NFASC: variants seen among roughly 807,000 people sequenced by gnomAD.
NFASC encodes the protein neurofascin.
In NFASC, 43 loss-of-function variants were observed where a neutral mutation model predicts 147.5. That is an observed-to-expected ratio of 0.29 (90% confidence interval 0.23 to 0.38). NFASC has a LOEUF of 0.38. NFASC is among the 10% of genes least tolerant of loss of function. The pLI is 1.00. For synonymous variants in NFASC, 622 were observed against 665.5 expected (o/e 0.93, Z 1.01); for missense variants, 1,320 against 1,689.0 (o/e 0.78, Z 3.83).
chr1:204,836,214 G>A (rs1673754206), intron 1 of NFASC, among the ~76,000 whole-genome samples: 1 of 152,058 alleles, frequency 6.6e-6, no homozygotes, highest in South Asian at 2.1e-4. Flanking sequence ...TTCCAACTAA[G>A]TCTGGTTCTA....
At chr1:205,002,563 G>A in intron 26 of NFASC, 33 bp from the exon 27 acceptor site, 1 of 1,408,046 alleles carries the variant, frequency 7.1e-7, no homozygotes, top group Non-Finnish European at 9.4e-7. Flanking sequence ...CCTGGTGCCT[G>A]GCTCTAGGCT....
intron 2 of NFASC, among the ~76,000 whole-genome samples, chr1:204,937,672 C>T (rs1180745739): frequency 6.6e-6 from 1 of 152,198 alleles, no homozygotes; most frequent in Non-Finnish European, 1.5e-5. Flanking sequence ...GGATGTACCT[C>T]CGTTTCTCCA....
intron 1 of NFASC, among the ~76,000 whole-genome samples, chr1:204,877,290 G>A (rs1017679379): frequency 1.3e-5 from 2 of 151,542 alleles, no homozygotes; most frequent in African/African-American, 4.8e-5. Flanking sequence ...TTAAAATTAG[G>A]CTCTGCACAC....
intron 1 of NFASC, among the ~76,000 whole-genome samples, chr1:204,890,937 C>T (rs1033501027): frequency 1.3e-5 from 2 of 152,180 alleles, no homozygotes; most frequent in African/African-American, 2.4e-5. Context: ...CTGATGCTCA[C>T]CCAATGGTCT....
At chr1:204,958,180 T>C (rs915999936) in intron 8 of NFASC, among the ~76,000 whole-genome samples, 1 of 152,170 alleles carries the variant, frequency 6.6e-6, no homozygotes, top group African/African-American at 2.4e-5. Flanking sequence ...ACCCCAGAGT[T>C]TGAGAACCAC....
chr1:204,932,131 T>C (rs1431896824), intron 2 of NFASC, among the ~76,000 whole-genome samples: 2 of 152,170 alleles, frequency 1.3e-5, no homozygotes, highest in African/African-American at 4.8e-5. Flanking sequence ...TAGGTCTCCG[T>C]TGGGTCAGGT....
At chr1:204,880,987 C>T (rs1346101038) in intron 1 of NFASC, among the ~76,000 whole-genome samples, 1 of 152,190 alleles carries the variant, frequency 6.6e-6, no homozygotes, top group Non-Finnish European at 1.5e-5. Context: ...TCAGAATAAG[C>T]GAAGAGTGTA....
At chr1:204,862,436 C>G (rs1485973009) in intron 1 of NFASC, among the ~76,000 whole-genome samples, 4 of 152,200 alleles carry the variant, frequency 2.6e-5, no homozygotes, top group Non-Finnish European at 5.9e-5. Flanking sequence ...TGTATAAATT[C>G]TGGTGTGTTC....
chr1:204,846,601 G>T (rs4951136), intron 1 of NFASC, among the ~76,000 whole-genome samples: 31,268 of 151,722 alleles, frequency 0.21, 4,777 homozygotes, highest in East Asian at 0.53. Context: ...CCTAGGTGGG[G>T]GATGGAGGGT....
Position 204,954,625 on chromosome 1 carries a change from G to C in NFASC, c.413-204G>C, listed in dbSNP as rs115690301. ...GCGGGCACAGGAGACGGGAAAGGAG[G>C]GGAGCCTTGAAGATGCCTCCCTTCT... is the stretch of plus-strand genomic sequence containing the variant. On this transcript the variant is annotated intron_variant, in intron 6 of 29. Transcript: ENST00000339876. This position sits in a 1 kb window ranked among gnomAD's most constrained non-coding sequence, Gnocchi z 5.7. Among the ~76,000 whole-genome samples, 166 of 152,266 alleles carry C rather than the reference G, an allele frequency of 1.1e-3. 2 individuals carry two copies. The highest frequency in any genetic ancestry group is 3.7e-3 in the African/African-American group (153 of 41,564).
rs1381959554 is a variant in NFASC, at chr1:204,877,077, TATAA to T, written c.-199-43554_-199-43551del. ...ATATTTATTTATATATTTATATATA[TATAA>T]TATATTTATTTATATATTTATATAT... On this transcript the variant is annotated intron_variant, in intron 1 of 29. Coordinates refer to ENST00000339876, the MANE Select transcript of NFASC (RefSeq NM_001005388.3). Among the ~76,000 whole-genome samples, 84 of 105,128 alleles carry T rather than the reference TATAA, an allele frequency of 8.0e-4. 7 individuals carry two copies. The East Asian group carries it at 0.014, about 17-fold the overall frequency. 69.0% of individuals were successfully genotyped at this position (105,128 alleles called of 152,430 possible). A position where few individuals can be genotyped will look rare whatever the true frequency, so the allele number is the denominator to read the frequency against.
intron 1 of NFASC, chr1:204,871,177 C>A: frequency 9.3e-7 from 1 of 1,070,516 alleles, no homozygotes; most frequent in Non-Finnish European, 1.3e-6. Flanking sequence ...ATTGTGCATA[C>A]TTTCCCAACA....
At chr1:204,949,384 G>C (rs1157905976) in intron 3 of NFASC, among the ~76,000 whole-genome samples, 1 of 152,170 alleles carries the variant, frequency 6.6e-6, no homozygotes, top group Non-Finnish European at 1.5e-5. Context: ...AGGCTTCAAA[G>C]TCACCATGGC....
intron 1 of NFASC, among the ~76,000 whole-genome samples, chr1:204,873,433 A>G (rs1418330926): frequency 1.3e-5 from 2 of 152,218 alleles, no homozygotes; most frequent in Admixed American, 1.3e-4. Context: ...CCCCAGGCTT[A>G]GAGAAGAAGC....
In NFASC at chr1:204,970,673, G is replaced by A; in HGVS notation, c.1061G>A (p.Gly354Glu). ...CTTATTCTGGCTCCTGGCGAGGATG[G>A]GAGACTGGTGTGTCGAGCCAATGGA... ...KNLILAPGED[G>E]RLVCRANGNP... Residue 354 changes from glycine (G) to glutamate (E), a missense_variant, in exon 11 of 30, where the codon GGG (glycine) becomes GAG (glutamate). Transcript: ENST00000339876. 1.9e-6 allele frequency: 3 copies of A among 1,614,186 alleles called. No individual in the cohort carries two copies. Among genetic ancestry groups the A allele is most frequent in the Non-Finnish European group, 2.5e-6 (3 of 1,180,040 alleles).
intron 1 of NFASC, among the ~76,000 whole-genome samples, chr1:204,894,149 C>A (rs1266462544): frequency 6.6e-6 from 1 of 152,238 alleles, no homozygotes; most frequent in Non-Finnish European, 1.5e-5. Context: ...AATAAGATAT[C>A]AGGCCTCTGC....
intron 25 of NFASC, chr1:204,998,353 G>A (rs1215356047): frequency 2.6e-5 from 4 of 152,264 alleles, no homozygotes; most frequent in Non-Finnish European, 5.9e-5. Flanking sequence ...TGCCACAGTT[G>A]TAGAATTGTA....
chr1:204,883,222 A>G (rs1276392752), intron 1 of NFASC, among the ~76,000 whole-genome samples: 3 of 152,248 alleles, frequency 2.0e-5, no homozygotes, highest in Non-Finnish European at 4.4e-5. Flanking sequence ...ACTATAGGCC[A>G]TAAGGGGCTT....
chr1:204,844,909 T>C (rs1398847617), intron 1 of NFASC, among the ~76,000 whole-genome samples: 4 of 152,154 alleles, frequency 2.6e-5, no homozygotes, highest in Admixed American at 1.3e-4. Context: ...TCTGTTCCCA[T>C]ACATCTTTCT....
Sources: allele counts gnomAD v4.1 joint callset (sites outside exome capture counted in the v4.1 genomes callset), GRCh38; gene constraint gnomAD v4.1.1; non-coding constraint Gnocchi (gnomAD v3.1); transcripts MANE v1.5; gene names NCBI Gene and HGNC (gene_info 2026-07-23, HGNC 2026-07-21).